The following TSGA10 variants were observed in gnomAD, a reference collection of about 807,000 sequenced individuals.
TSGA10 encodes the protein testis specific 10.
TSGA10 carries 43 observed loss-of-function variants against 96.6 expected under a neutral mutation model. That is an observed-to-expected ratio of 0.44 (90% confidence interval 0.35 to 0.57). The LOEUF (loss-of-function observed/expected upper bound fraction) is 0.57, where lower values mean the gene tolerates loss of function less well. Ranked by LOEUF, TSGA10 falls within the 20% of genes least tolerant of loss-of-function variation. TSGA10 has a pLI of 0.01. For synonymous variants in TSGA10, 229 were observed against 269.9 expected (o/e 0.85, Z 1.48); for missense variants, 703 against 834.4 (o/e 0.84, Z 1.94).
At chr2:99,057,196 A>G (rs960994253) in intron 16 of TSGA10, among the ~76,000 whole-genome samples, 2 of 152,162 alleles carry the variant, frequency 1.3e-5, no homozygotes, top group African/African-American at 4.8e-5. Flanking sequence ...CCTTCTATTC[A>G]ACACTGTACT....
intron 16 of TSGA10, among the ~76,000 whole-genome samples, chr2:99,050,867 G>C (rs1381197689): frequency 1.3e-5 from 2 of 152,086 alleles, no homozygotes; most frequent in East Asian, 1.9e-4. Flanking sequence ...ATGATGGTGG[G>C]CCCATAAGAT....
In TSGA10 at chr2:99,018,634, G is replaced by C. The variant is rs1321640877; in HGVS notation, c.1824C>G (p.Ile608Met). Residue 608 changes from isoleucine (I) to methionine (M), a missense_variant, in exon 19 of 21, where the codon ATC becomes ATG. Physicochemically the swap from Ile to Met is conservative, Grantham distance 10 (BLOSUM62 1). Transcript: ENST00000393483. ...HLCLAENKMA[I>M]QSRDVAQFRN... ...TGAACTGGGCCACATCTCTACTCTG[G>C]ATGGCCCTGTTTAAAAGAAGATAAG... is the stretch of plus-strand genomic sequence containing the variant. 1.2e-6 allele frequency: 2 copies of C among 1,610,992 alleles called. No individual in the cohort carries two copies. The highest frequency in any genetic ancestry group is 2.2e-5 in the South Asian group (2 of 90,248).
intron 16 of TSGA10, among the ~76,000 whole-genome samples, chr2:99,058,492 T>A (rs2084252461): frequency 6.6e-6 from 1 of 151,982 alleles, no homozygotes; most frequent in African/African-American, 2.4e-5. Flanking sequence ...AAGAAATCAA[T>A]GAAATAGAAA....
intron 2 of TSGA10, among the ~76,000 whole-genome samples, chr2:99,119,362 T>A (rs1171132168): frequency 1.3e-5 from 2 of 152,080 alleles, no homozygotes; most frequent in African/African-American, 4.8e-5. Flanking sequence ...AAATTTGAGG[T>A]CATTCCTATA....
At position 99,108,875 on chromosome 2, in the gene TSGA10, A is replaced by G. The variant is rs2104839520; in HGVS notation, c.168T>C (p.Val56=). Residue 56 remains valine, a synonymous_variant, in exon 7 of 21, where the codon GTT becomes GTC. Transcript: ENST00000393483. ...AGATCTTGTCTCTCTCAGATTTAAG[A>G]ACCTTGACATTACCCTGAATTTCTG... ...HLAEIQGNVK[V]LKSERDKIFL... is the part of the protein sequence containing the mutation. The G allele has an allele frequency of 6.3e-7, 1 of 1,594,212 alleles. No homozygotes were observed. The highest frequency in any genetic ancestry group is 2.2e-5 in the East Asian group (1 of 44,500).
intron 10 of TSGA10, chr2:99,102,373 A>C: frequency 5.0e-6 from 8 of 1,613,258 alleles, no homozygotes; most frequent in Non-Finnish European, 6.8e-6. Context: ...TCAGTTGAGC[A>C]GTTTACTGGA....
At chr2:99,078,132 G>A (rs900388292) in intron 12 of TSGA10, among the ~76,000 whole-genome samples, 8 of 151,448 alleles carry the variant, frequency 5.3e-5, no homozygotes, top group Admixed American at 3.9e-4. Flanking sequence ...TTAGCCAGGC[G>A]TGGTGGCAGG....
chr2:99,098,285 A>G (rs929902340), intron 10 of TSGA10, among the ~76,000 whole-genome samples: 1 of 151,610 alleles, frequency 6.6e-6, no homozygotes, highest in African/African-American at 2.4e-5. Context: ...AAAATACAAA[A>G]AAAATTAGCC....
chr2:99,006,055 T>A (rs1400767336), intron 20 of TSGA10, among the ~76,000 whole-genome samples: 2 of 152,218 alleles, frequency 1.3e-5, no homozygotes, highest in Non-Finnish European at 2.9e-5. Flanking sequence ...GGATTCCCTA[T>A]TTAATAAATG....
intron 16 of TSGA10, among the ~76,000 whole-genome samples, chr2:99,057,793 T>C (rs761738998): frequency 6.6e-6 from 1 of 152,076 alleles, no homozygotes; most frequent in Non-Finnish European, 1.5e-5. Flanking sequence ...AGCCAAACAA[T>C]CTTGAAAAAA....
At chr2:99,122,501 C>G (rs112107291) in intron 2 of TSGA10, among the ~76,000 whole-genome samples, 10 of 150,154 alleles carry the variant, frequency 6.7e-5, no homozygotes, top group Non-Finnish European at 1.5e-4. Flanking sequence ...AAATTTGAAT[C>G]GGAGTAGTGG....
intron 16 of TSGA10, among the ~76,000 whole-genome samples, chr2:99,059,547 G>A (rs926879583): frequency 5.3e-5 from 8 of 151,928 alleles, no homozygotes; most frequent in African/African-American, 1.9e-4. Flanking sequence ...GCTGAGGCAG[G>A]AGAATTGCTT....
At chr2:99,013,781 G>A (rs1438059189) in intron 20 of TSGA10, among the ~76,000 whole-genome samples, 2 of 151,312 alleles carry the variant, frequency 1.3e-5, no homozygotes, top group Admixed American at 6.6e-5. Flanking sequence ...TTTGGGAGGC[G>A]AAGACAGGCG....
chr2:99,050,367 T>C (rs1326787336), intron 16 of TSGA10, among the ~76,000 whole-genome samples: 3 of 152,154 alleles, frequency 2.0e-5, no homozygotes, highest in African/African-American at 7.2e-5. Context: ...CGTTAAAACA[T>C]TTCAGATTTC....
At chr2:99,144,082 G>A (rs1347603765) in intron 1 of TSGA10, among the ~76,000 whole-genome samples, 1 of 151,896 alleles carries the variant, frequency 6.6e-6, no homozygotes, top group African/African-American at 2.4e-5. Context: ...GTGCAGTGGC[G>A]CGATCTCCGC....
At chr2:99,026,645 G>A (rs1053255579) in intron 17 of TSGA10, among the ~76,000 whole-genome samples, 4 of 151,752 alleles carry the variant, frequency 2.6e-5, no homozygotes, top group African/African-American at 9.7e-5. Context: ...GGATGGTCTC[G>A]ATCTCCTGAC....
intron 16 of TSGA10, among the ~76,000 whole-genome samples, chr2:99,037,748 C>G (rs960932207): frequency 6.6e-6 from 1 of 151,818 alleles, no homozygotes; most frequent in Admixed American, 6.6e-5. Flanking sequence ...TACTCTGGAG[C>G]CTGAGGCAGA....
intron 1 of TSGA10, among the ~76,000 whole-genome samples, chr2:99,144,649 C>CAAAAAAAAAAAAAAAAA (rs70940140): frequency 3.8e-5 from 2 of 52,270 alleles, no homozygotes; most frequent in African/African-American, 7.1e-5. Flanking sequence ...AACTCTGTCT[C>CAAAAAAAAAAAAAAAAA]AAAAAAAAAA....
chr2:99,059,051 T>A (rs995749738), intron 16 of TSGA10, among the ~76,000 whole-genome samples: 5 of 61,064 alleles, frequency 8.2e-5, no homozygotes, highest in African/African-American at 3.1e-4. Flanking sequence ...AAAAAAATAA[T>A]ATATATATAT....
Sources: gnomAD v4.1 joint callset for allele counts (sites outside exome capture counted in the v4.1 genomes callset) on GRCh38, gnomAD v4.1.1 for gene constraint, MANE v1.5 for transcripts, NCBI Gene and HGNC (gene_info 2026-07-23, HGNC 2026-07-21) for gene names.